The following EPB41 variants were observed in gnomAD, a reference collection of about 807,000 sequenced individuals.
EPB41 encodes the protein erythrocyte membrane protein band 4.1, also known as protein 4.1.
Under a neutral mutation model 108.0 loss-of-function variants are expected in EPB41, and 65 were observed. That is an observed-to-expected ratio of 0.60 (90% CI 0.49 to 0.74). The LOEUF is 0.74. Ranked by LOEUF, EPB41 falls within the 30% of genes least tolerant of loss-of-function variation. The probability of loss-of-function intolerance (pLI) is 0.00; values close to 1 mark genes in which losing one functional copy is unlikely to be tolerated. For missense variants in EPB41, 875 were observed against 1,037.0 expected (o/e 0.84, Z 2.15); for synonymous variants, 336 against 358.9 (o/e 0.94, Z 0.72).
At chr1:28,917,045 C>T (rs1466319206) in intron 1 of EPB41, among the ~76,000 whole-genome samples, 1 of 152,044 alleles carries the variant, frequency 6.6e-6, no homozygotes, top group Non-Finnish European at 1.5e-5. Flanking sequence ...CCTCCCTGGG[C>T]CTCCCAAAGT....
intron 1 of EPB41, among the ~76,000 whole-genome samples, chr1:28,891,442 G>C (rs923853758): frequency 8.5e-5 from 13 of 152,276 alleles, no homozygotes; most frequent in Admixed American, 3.3e-4. Context: ...TAAACCAAGG[G>C]AAAACCCGGA....
At chr1:29,057,169 G>A (rs1004836058) in intron 12 of EPB41, among the ~76,000 whole-genome samples, 12 of 151,864 alleles carry the variant, frequency 7.9e-5, no homozygotes, top group African/African-American at 2.9e-4. Flanking sequence ...AAGGTCAGGA[G>A]ATCGAGACCA....
At chr1:29,023,249 C>T (rs2096670138) in intron 7 of EPB41, among the ~76,000 whole-genome samples, 1 of 151,440 alleles carries the variant, frequency 6.6e-6, no homozygotes, top group Admixed American at 6.6e-5. Flanking sequence ...CCTGCCTTGG[C>T]CTGCTAAGGT....
At chr1:28,952,943 G>A (rs2094795095) in intron 1 of EPB41, among the ~76,000 whole-genome samples, 1 of 152,140 alleles carries the variant, frequency 6.6e-6, no homozygotes, top group Non-Finnish European at 1.5e-5. Flanking sequence ...TGGCCAAGCT[G>A]GTCTCGAACT....
chr1:28,918,592 G>A (rs779764587), intron 1 of EPB41, among the ~76,000 whole-genome samples: 5 of 152,060 alleles, frequency 3.3e-5, no homozygotes, highest in Admixed American at 6.6e-5. Context: ...TGGGCCTTAT[G>A]TATGTGAAGG....
At chr1:29,090,943 A>G (rs1043265749) in intron 16 of EPB41, among the ~76,000 whole-genome samples, 2 of 152,176 alleles carry the variant, frequency 1.3e-5, no homozygotes, top group Admixed American at 1.3e-4. Flanking sequence ...GTGTGCTATA[A>G]ATGGTAATCC....
intron 1 of EPB41, among the ~76,000 whole-genome samples, chr1:28,908,577 G>A (rs933278095): frequency 2.0e-5 from 3 of 150,190 alleles, no homozygotes; most frequent in African/African-American, 4.9e-5. Context: ...GATTACAGGC[G>A]TGTGCCACCA....
chr1:28,994,381 C>T (rs1477219139), intron 3 of EPB41, among the ~76,000 whole-genome samples: 1 of 151,528 alleles, frequency 6.6e-6, no homozygotes, highest in Non-Finnish European at 1.5e-5. Flanking sequence ...CCGTGTTAGC[C>T]AGGCTGGTCT....
intron 1 of EPB41, among the ~76,000 whole-genome samples, chr1:28,926,469 G>A (rs570580344): frequency 4.1e-4 from 63 of 152,282 alleles, no homozygotes; most frequent in African/African-American, 1.4e-3. Flanking sequence ...ACTAGCAAGC[G>A]AAAATTCGCT....
chr1:29,005,134 A>G (rs1043509347), intron 4 of EPB41, among the ~76,000 whole-genome samples: 4 of 152,296 alleles, frequency 2.6e-5, no homozygotes, highest in Admixed American at 6.5e-5. Flanking sequence ...CAGGCTGTAT[A>G]AGAAGCATGG....
intron 3 of EPB41, among the ~76,000 whole-genome samples, 198 bp downstream of exon 3, chr1:28,993,740 C>T (rs2096084672): frequency 6.6e-6 from 1 of 150,952 alleles, no homozygotes. Flanking sequence ...CACTGTAGCC[C>T]CCAACTCCCA....
Position 29,035,845 on chromosome 1 carries a change from C to G in EPB41, c.1385C>G (p.Thr462Ser). 6.2e-7 allele frequency: 1 copy of G among 1,613,720 alleles called. No homozygotes were observed. The highest frequency in any genetic ancestry group is 8.5e-7 in the Non-Finnish European group (1 of 1,179,678). The change falls in exon 10 of 21, where the codon ACC becomes AGC. Residue 462 changes from threonine to serine, a missense_variant. Transcript: ENST00000343067. The part of the protein sequence containing the change: ...RPGEQEQYES[T>S]IGFKLPSYRA... The stretch of plus-strand genomic sequence containing the variant: ...TTGTAGCAAGAGCAGTATGAAAGTA[C>G]CATCGGATTCAAACTTCCCAGTTAC...
intron 1 of EPB41, among the ~76,000 whole-genome samples, chr1:28,922,882 C>T (rs1013815805): frequency 1.3e-5 from 2 of 151,716 alleles, no homozygotes; most frequent in African/African-American, 4.8e-5. Context: ...CTGCCTCGGC[C>T]TCCCAAAGTG....
chr1:29,006,653 C>CTT (rs2096408684), intron 4 of EPB41, among the ~76,000 whole-genome samples: 1 of 152,066 alleles, frequency 6.6e-6, no homozygotes, highest in Non-Finnish European at 1.5e-5. Flanking sequence ...CCTCCAACCC[C>CTT]TTATCAGTTG....
At chr1:29,053,014 C>T in intron 11 of EPB41, 90 bp from the exon 12 acceptor site, 1 of 1,399,400 alleles carries the variant, frequency 7.1e-7, no homozygotes, top group Non-Finnish European at 1.0e-6. Context: ...CGTGTGTATC[C>T]TGGATTCACA....
chr1:29,076,696 T>G (rs1299681252), intron 16 of EPB41, among the ~76,000 whole-genome samples: 3 of 152,248 alleles, frequency 2.0e-5, no homozygotes, highest in Non-Finnish European at 4.4e-5. Flanking sequence ...GAAGTGTTGT[T>G]AATACATCTC....
intron 16 of EPB41, chr1:29,066,045 T>G (rs1647516568): frequency 6.6e-6 from 1 of 152,264 alleles, no homozygotes; most frequent in Non-Finnish European, 1.5e-5. Context: ...ATACACTGTT[T>G]TGTAAGATAG....
At chr1:29,012,075 A>T (rs2096512016) in intron 5 of EPB41, among the ~76,000 whole-genome samples, 168 bp downstream of exon 5, 1 of 151,940 alleles carries the variant, frequency 6.6e-6, no homozygotes, top group Non-Finnish European at 1.5e-5. Flanking sequence ...ATAATAGAAA[A>T]ATATAGCAGA....
At chr1:28,907,766 C>T (rs2091947708) in intron 1 of EPB41, among the ~76,000 whole-genome samples, 1 of 152,104 alleles carries the variant, frequency 6.6e-6, no homozygotes, top group African/African-American at 2.4e-5. Flanking sequence ...GCAGGTGCCA[C>T]CATGCTTGGC....
Sources: allele counts gnomAD v4.1 joint callset (sites outside exome capture counted in the v4.1 genomes callset), GRCh38; gene constraint gnomAD v4.1.1; transcripts MANE v1.5; gene names NCBI Gene and HGNC (gene_info 2026-07-23, HGNC 2026-07-21).